The following SAMD4A variants were observed in gnomAD, a reference collection of about 807,000 sequenced individuals.
SAMD4A encodes sterile alpha motif domain containing 4A.
In SAMD4A, 33 loss-of-function variants were observed where a neutral mutation model predicts 81.3. The observed-to-expected ratio is 0.41, with a 90% confidence interval of 0.31 to 0.54. SAMD4A has a LOEUF of 0.54. SAMD4A is among the 20% of genes least tolerant of loss of function. The pLI, the probability that SAMD4A is intolerant of heterozygous loss-of-function variation, is 0.37. For missense variants in SAMD4A, 854 were observed against 951.1 expected (o/e 0.90, Z 1.34); for synonymous variants, 389 against 382.1 (o/e 1.02, Z -0.21).
At chr14:54,647,413 G>A (rs1205837970) in intron 2 of SAMD4A, among the ~76,000 whole-genome samples, 1 of 152,158 alleles carries the variant, frequency 6.6e-6, no homozygotes, top group Admixed American at 6.5e-5. Context: ...CTAGGCCTGG[G>A]TAACTCCAAA....
At chr14:54,773,852 T>C (rs1435045077) in intron 9 of SAMD4A, among the ~76,000 whole-genome samples, 1 of 152,250 alleles carries the variant, frequency 6.6e-6, no homozygotes. Context: ...CTGCATTCAC[T>C]GTGCAGAAAC....
rs1354193172 is a variant in SAMD4A, at chr14:54,760,037, C to A, written c.1177-124C>A. 14 of 938,100 alleles carry A rather than the reference C, an allele frequency of 1.5e-5. No homozygotes were observed. In the Admixed American group the frequency reaches 2.3e-4, roughly 16 times the overall value. The allele number at this position is 938,100 out of a possible 1,614,324, so 58.1% of individuals were successfully genotyped here. On this transcript the variant is annotated intron_variant, in intron 6 of 12. Coordinates refer to ENST00000554335, the MANE Select transcript of SAMD4A (RefSeq NM_015589.6). ...CGAAAGTGGTCCCTTTTCCCAAAAACGTCCTGATGAGGGTACCAGCAGCCA... is the reference window on the plus strand; with the variant it reads ...CGAAAGTGGTCCCTTTTCCCAAAAAAGTCCTGATGAGGGTACCAGCAGCCA...
At chr14:54,609,439 A>G (rs889029327) in intron 2 of SAMD4A, among the ~76,000 whole-genome samples, 2 of 152,224 alleles carry the variant, frequency 1.3e-5, no homozygotes, top group African/African-American at 4.8e-5. Flanking sequence ...GACCTTCAGA[A>G]CTGTAAGATA....
At chr14:54,779,090 C>T (rs184161782) in intron 11 of SAMD4A, among the ~76,000 whole-genome samples, 1 of 151,478 alleles carries the variant, frequency 6.6e-6, no homozygotes, top group African/African-American at 2.5e-5. Context: ...GGTCCTCATC[C>T]TGGATTCAGA....
chr14:54,576,989 G>A (rs563426069), intron 2 of SAMD4A, among the ~76,000 whole-genome samples: 13 of 152,196 alleles, frequency 8.5e-5, no homozygotes, highest in African/African-American at 1.4e-4. Context: ...CTTATTTTGG[G>A]CACTGATCCC....
intron 2 of SAMD4A, among the ~76,000 whole-genome samples, chr14:54,615,962 T>G (rs2034480727): frequency 1.3e-5 from 2 of 152,096 alleles, no homozygotes; most frequent in South Asian, 4.1e-4. Context: ...AAATTTCCTA[T>G]GTAAAAATAA....
chr14:54,602,255 A>C (rs556038868), intron 2 of SAMD4A, among the ~76,000 whole-genome samples: 1 of 151,338 alleles, frequency 6.6e-6, no homozygotes, highest in African/African-American at 2.4e-5. Flanking sequence ...GAAGCATATC[A>C]ATAGACTGCT....
rs1047122697 is a variant in SAMD4A, at chr14:54,760,152, A to G, written c.1177-9A>G. The G allele has an allele frequency of 6.2e-7, 1 of 1,607,444 alleles. No individual in the cohort carries two copies. Among genetic ancestry groups the G allele is most frequent in the Admixed American group, 1.7e-5 (1 of 59,436 alleles). ...GCCTAACAGAGGTCTTCCTGCTCTC[A>G]CCGTCCAGGACATCATCGAGGGGGG... On this transcript the variant is annotated splice_polypyrimidine_tract_variant and intron_variant, in intron 6 of 12. Coordinates refer to ENST00000554335, the MANE Select transcript of SAMD4A (RefSeq NM_015589.6).
At chr14:54,788,676 T>C (rs1284262133) in intron 12 of SAMD4A, among the ~76,000 whole-genome samples, 1 of 152,200 alleles carries the variant, frequency 6.6e-6, no homozygotes, top group Non-Finnish European at 1.5e-5. Context: ...ATATAAGTAC[T>C]TGGGAGGTGA....
rs1235115760 is a variant in SAMD4A, at chr14:54,567,864, G to A, written c.-53G>A. ...GCTCCGCCAAACTTTGGGGCGGGCGGGGCGGGCTGGGGCGCCCAGGGGGCT... is the reference window on the plus strand; with the variant it reads ...GCTCCGCCAAACTTTGGGGCGGGCGAGGCGGGCTGGGGCGCCCAGGGGGCT... On this transcript the variant is annotated 5_prime_UTR_variant, in exon 2 of 13. Transcript: ENST00000554335. The A allele has an allele frequency of 1.3e-6, 2 of 1,554,804 alleles. No homozygotes were observed. The highest frequency in any genetic ancestry group is 2.8e-5 in the African/African-American group (2 of 71,538).
At chr14:54,731,696 G>C (rs1035878585) in intron 3 of SAMD4A, among the ~76,000 whole-genome samples, 9 of 152,276 alleles carry the variant, frequency 5.9e-5, no homozygotes, top group Admixed American at 2.0e-4. Context: ...AATTAAAAAT[G>C]AAGAGAGACT....
intron 9 of SAMD4A, among the ~76,000 whole-genome samples, chr14:54,771,983 T>C (rs2038718665): frequency 6.6e-6 from 1 of 152,244 alleles, no homozygotes; most frequent in African/African-American, 2.4e-5. Flanking sequence ...AATGGACCCC[T>C]TTTAATTGAT....
At chr14:54,760,047 A>G in intron 6 of SAMD4A, 114 bp from the exon 7 acceptor site, 7 of 1,050,742 alleles carry the variant, frequency 6.7e-6, no homozygotes, top group Non-Finnish European at 9.8e-6. Flanking sequence ...CGTCCTGATG[A>G]GGGTACCAGC....
intron 4 of SAMD4A, among the ~76,000 whole-genome samples, chr14:54,745,252 C>T (rs1259130294): frequency 6.6e-6 from 1 of 152,222 alleles, no homozygotes; most frequent in Non-Finnish European, 1.5e-5. Flanking sequence ...GAAGTCGACT[C>T]TCTTTGTTCA....
chr14:54,766,021 C>T (rs562706069), intron 8 of SAMD4A, among the ~76,000 whole-genome samples: 1 of 152,308 alleles, frequency 6.6e-6, no homozygotes, highest in South Asian at 2.1e-4. Flanking sequence ...GGGGCTCAGA[C>T]ACGCCATCCT....
intron 2 of SAMD4A, among the ~76,000 whole-genome samples, chr14:54,640,793 C>T (rs753522084): frequency 5.3e-5 from 8 of 152,022 alleles, no homozygotes; most frequent in South Asian, 2.1e-4. Flanking sequence ...CTGGGCAGGC[C>T]GTGGGGAGAG....
chr14:54,673,425 A>G (rs1263116200), intron 2 of SAMD4A, among the ~76,000 whole-genome samples: 1 of 152,272 alleles, frequency 6.6e-6, no homozygotes, highest in Non-Finnish European at 1.5e-5. Flanking sequence ...CAATAAAAAC[A>G]TTCTCAGGAT....
At chr14:54,691,154 T>C (rs1437323656) in intron 2 of SAMD4A, among the ~76,000 whole-genome samples, 2 of 152,030 alleles carry the variant, frequency 1.3e-5, no homozygotes, top group Non-Finnish European at 2.9e-5. Context: ...GCCTTTCTGC[T>C]CCCCCTTACC....
At chr14:54,590,624 C>T (rs1466007437) in intron 2 of SAMD4A, among the ~76,000 whole-genome samples, 2 of 152,224 alleles carry the variant, frequency 1.3e-5, no homozygotes, top group East Asian at 3.8e-4. Context: ...CTCTTCTCCT[C>T]TCCTAGCTGG....
Sources: gnomAD v4.1 joint callset for allele counts (sites outside exome capture counted in the v4.1 genomes callset) on GRCh38, gnomAD v4.1.1 for gene constraint, MANE v1.5 for transcripts, NCBI Gene and HGNC (gene_info 2026-07-23, HGNC 2026-07-21) for gene names.